The following SLC4A4 variants were observed in gnomAD, a reference collection of about 807,000 sequenced individuals.
SLC4A4 encodes solute carrier family 4 member 4.
A neutral mutation model predicts 111.5 loss-of-function variants in SLC4A4; 27 were observed. That is an observed-to-expected ratio of 0.24 (90% CI 0.18 to 0.33). The LOEUF (loss-of-function observed/expected upper bound fraction) is 0.33. Ranked by LOEUF, SLC4A4 falls within the 10% of genes least tolerant of loss-of-function variation. The probability of loss-of-function intolerance (pLI) is 1.00; values close to 1 mark genes in which losing one functional copy is unlikely to be tolerated. For synonymous variants in SLC4A4, 443 were observed against 463.4 expected (o/e 0.96, Z 0.57); for missense variants, 909 against 1,315.5 (o/e 0.69, Z 4.78).
chr4:71,072,216 G>A (rs576755088), intron 1 of SLC4A4, among the ~76,000 whole-genome samples: 2 of 152,138 alleles, frequency 1.3e-5, no homozygotes, highest in African/African-American at 4.8e-5. Context: ...TTATGTTTCT[G>A]TTTTTACGTT....
chr4:71,277,375 C>T (rs1315659908), intron 3 of SLC4A4, among the ~76,000 whole-genome samples: 1 of 152,134 alleles, frequency 6.6e-6, no homozygotes, highest in Non-Finnish European at 1.5e-5. Flanking sequence ...TCCTAACTTG[C>T]ATCTATTTCC....
intron 6 of SLC4A4, among the ~76,000 whole-genome samples, chr4:71,366,709 A>G (rs566409057): frequency 9.2e-5 from 14 of 152,324 alleles, no homozygotes; most frequent in Non-Finnish European, 1.5e-4. Flanking sequence ...CATACATAAT[A>G]TATCATTACC....
chr4:71,434,704 T>C (rs1412780321), intron 7 of SLC4A4: 2 of 152,160 alleles, frequency 1.3e-5, no homozygotes, highest in South Asian at 2.1e-4. Context: ...CTCAAGCTGA[T>C]AAGCAAATTG....
intron 7 of SLC4A4, among the ~76,000 whole-genome samples, chr4:71,421,860 A>G (rs1364598458): frequency 2.6e-5 from 4 of 152,016 alleles, no homozygotes; most frequent in African/African-American, 9.7e-5. Context: ...AATTTATAGC[A>G]CTAAATGCCC....
intron 7 of SLC4A4, among the ~76,000 whole-genome samples, chr4:71,420,237 T>G (rs1035127560): frequency 1.3e-5 from 2 of 151,844 alleles, no homozygotes; most frequent in African/African-American, 2.4e-5. Flanking sequence ...AGGGTATCAG[T>G]GATGGAAGAT....
At chr4:71,207,800 T>G (rs1717858823) in intron 1 of SLC4A4, among the ~76,000 whole-genome samples, 1 of 152,222 alleles carries the variant, frequency 6.6e-6, no homozygotes, top group South Asian at 2.1e-4. Flanking sequence ...TTTAGGAAAT[T>G]TTTGGAAGGC....
At chr4:71,537,105 A>G (rs1011415635) in intron 18 of SLC4A4, among the ~76,000 whole-genome samples, 3 of 151,626 alleles carry the variant, frequency 2.0e-5, no homozygotes, top group East Asian at 1.9e-4. Context: ...CCTCTGCTCA[A>G]TGGGTTTCTA....
intron 3 of SLC4A4, among the ~76,000 whole-genome samples, chr4:71,322,604 T>G (rs578161697): frequency 6.6e-6 from 1 of 152,144 alleles, no homozygotes; most frequent in East Asian, 1.9e-4. Flanking sequence ...TTGGTCCAAG[T>G]TGAACCTGGA....
intron 24 of SLC4A4, among the ~76,000 whole-genome samples, chr4:71,566,380 AAGCTATTTTTTAAAAAAATTACT>A (rs1737471955): frequency 6.6e-6 from 1 of 151,806 alleles, no homozygotes; most frequent in African/African-American, 2.4e-5. Flanking sequence ...AGAAATGTAA[AAGCTATTTTTTAAAAAAATTACT>A]AGCCAGAATT....
chr4:71,561,634 C>A (rs1736989132), intron 23 of SLC4A4, among the ~76,000 whole-genome samples: 1 of 151,788 alleles, frequency 6.6e-6, no homozygotes, highest in Non-Finnish European at 1.5e-5. Flanking sequence ...TGTCTGTCAT[C>A]ATCCATCTGC....
At chr4:71,296,140 C>CT (rs1209150645) in intron 3 of SLC4A4, among the ~76,000 whole-genome samples, 1 of 151,404 alleles carries the variant, frequency 6.6e-6, no homozygotes, top group Non-Finnish European at 1.5e-5. Flanking sequence ...CTTTTTATAC[C>CT]TTATACAAAT....
chr4:71,438,734 A>G (rs1164121932), intron 7 of SLC4A4, among the ~76,000 whole-genome samples: 3 of 152,160 alleles, frequency 2.0e-5, no homozygotes, highest in East Asian at 3.8e-4. Flanking sequence ...TCTTTCCCCA[A>G]TCACCATCTC....
intron 3 of SLC4A4, among the ~76,000 whole-genome samples, chr4:71,296,431 C>T (rs1724795660): frequency 6.6e-6 from 1 of 152,136 alleles, no homozygotes; most frequent in South Asian, 2.1e-4. Flanking sequence ...CTTTGTACCT[C>T]TTAATGGCTG....
chr4:71,478,429 T>TA (rs1405105339), intron 14 of SLC4A4, among the ~76,000 whole-genome samples: 2 of 151,878 alleles, frequency 1.3e-5, no homozygotes, highest in Non-Finnish European at 2.9e-5. Flanking sequence ...TATGCAGCCA[T>TA]AAAAAATGAT....
At chr4:71,173,356 CCAA>C (rs918651691) in intron 2 of SLC4A4, among the ~76,000 whole-genome samples, 5 of 151,936 alleles carry the variant, frequency 3.3e-5, no homozygotes, top group Non-Finnish European at 7.4e-5. Context: ...GTGGATGTCC[CCAA>C]CAATTATCTT....
chr4:71,385,976 T>C (rs867443843), intron 6 of SLC4A4, among the ~76,000 whole-genome samples: 1 of 152,124 alleles, frequency 6.6e-6, no homozygotes, highest in Non-Finnish European at 1.5e-5. Flanking sequence ...TCAGTAACTT[T>C]GTATAAAAGG....
chr4:71,142,824 C>G (rs1744044291), intron 2 of SLC4A4, among the ~76,000 whole-genome samples: 1 of 143,020 alleles, frequency 7.0e-6, no homozygotes, highest in African/African-American at 2.6e-5. Context: ...ATCCCATGCC[C>G]ATGACCCTGC....
chr4:71,521,971 A>G (rs1314307333), intron 16 of SLC4A4, among the ~76,000 whole-genome samples: 3 of 152,112 alleles, frequency 2.0e-5, no homozygotes, highest in Admixed American at 6.5e-5. Flanking sequence ...GTCTCTTTCC[A>G]TACCTCACGG....
At chr4:71,298,702 G>A (rs1447637266) in intron 3 of SLC4A4, among the ~76,000 whole-genome samples, 1 of 152,028 alleles carries the variant, frequency 6.6e-6, no homozygotes, top group Non-Finnish European at 1.5e-5. Flanking sequence ...GGATGCTGGG[G>A]CCATCTCTAG....
Sources: allele counts gnomAD v4.1 joint callset (sites outside exome capture counted in the v4.1 genomes callset), GRCh38; gene constraint gnomAD v4.1.1; transcripts MANE v1.5; gene names NCBI Gene and HGNC (gene_info 2026-07-23, HGNC 2026-07-21).